TRMT2B: variants seen among roughly 807,000 people sequenced by gnomAD.
TRMT2B encodes the protein tRNA methyltransferase 2B.
A neutral mutation model predicts 39.7 loss-of-function variants in TRMT2B; 34 were observed. The observed-to-expected ratio is 0.86, with a 90% CI of 0.65 to 1.14. TRMT2B has a LOEUF of 1.14. Ranked by LOEUF, TRMT2B falls within the 50% of genes most tolerant of loss-of-function variation. TRMT2B has a pLI of 0.00. For missense variants in TRMT2B, 318 were observed against 377.2 expected (o/e 0.84, Z 1.30); for synonymous variants, 132 against 137.3 (o/e 0.96, Z 0.27).
the TRMT2B span, chrX:100,990,465 T>A: frequency 1.0e-6 from 1 of 987,899 alleles, no homozygotes. Flanking sequence ...TTTTTAAATT[T>A]CCATTTGATA....
chrX:101,023,597 C>A lies in TRMT2B; in HGVS notation c.629G>T (p.Arg210Leu), dbSNP rs1349898722. The A allele has an allele frequency of 3.3e-6, 4 of 1,206,566 alleles. No homozygotes were observed. Among genetic ancestry groups the A allele is most frequent in the Non-Finnish European group, 4.5e-6 (4 of 892,124 alleles). The change falls in exon 8 of 14, where the codon CGA (arginine) becomes CTA (leucine). Residue 210 changes from arginine to leucine, a missense_variant. Arg to Leu is a moderately radical substitution (Grantham distance 102). Coordinates refer to ENST00000372936, the MANE Select transcript of TRMT2B (RefSeq NM_024917.6). The part of the protein sequence containing the change: ...QVAQYYEVFL[R>L]QSPLEPCLVF... ...AAGGCAGGGCTCCAATGGAGACTGT[C>A]GAAGGAATACTTCATAGTACTAGGA...
intron 2 of TRMT2B, among the ~76,000 whole-genome samples, chrX:101,050,927 A>G (rs906475240): frequency 4.6e-5 from 5 of 108,205 alleles, no homozygotes; most frequent in Non-Finnish European, 7.6e-5. Context: ...CTGTAATCCT[A>G]GCTACTCCAG....
chrX:100,991,714 C>A, the TRMT2B span, among the ~76,000 whole-genome samples: 3 of 111,962 alleles, frequency 2.7e-5, no homozygotes, highest in African/African-American at 6.5e-5. Flanking sequence ...TTATTCACAA[C>A]AACCCTTGGG....
At chrX:101,037,385 T>C (rs1430811254) in intron 5 of TRMT2B, 13 of 247,482 alleles carry the variant, frequency 5.3e-5, no homozygotes, top group Non-Finnish European at 9.2e-5. Flanking sequence ...AAAGCAGCCA[T>C]AGACAATACA....
chrX:101,042,416 G>A (rs915327374), intron 2 of TRMT2B, 104 bp from the exon 3 acceptor site: 1 of 878,667 alleles, frequency 1.1e-6, no homozygotes, highest in African/African-American at 2.0e-5. Context: ...CTAGCAGAAT[G>A]CTGGCACACA....
intron 13 of TRMT2B, among the ~76,000 whole-genome samples, chrX:101,012,071 CAAGTA>C (rs1030005955): frequency 2.7e-5 from 3 of 111,431 alleles, no homozygotes; most frequent in South Asian, 3.8e-4. Context: ...TAAAATAATA[CAAGTA>C]TAGTATAGAA....
intron 11 of TRMT2B, 46 bp downstream of exon 11, chrX:101,020,440 GA>G (rs746112377): frequency 2.8e-6 from 3 of 1,066,047 alleles, no homozygotes; most frequent in East Asian, 3.0e-5. Flanking sequence ...CCATAGCACA[GA>G]AACAACTGCA....
At chrX:100,986,844 T>G in the TRMT2B span, 1 of 1,207,564 alleles carries the variant, frequency 8.3e-7, no homozygotes, top group Non-Finnish European at 1.1e-6. Context: ...CTTGTGATAT[T>G]ATTGACTATC....
intron 13 of TRMT2B, among the ~76,000 whole-genome samples, 191 bp downstream of exon 13, chrX:101,018,780 C>G (rs182872137): frequency 1.8e-5 from 2 of 112,069 alleles, no homozygotes; most frequent in African/African-American, 6.5e-5. Context: ...TGCACCCAAA[C>G]TAAGTACCTG....
chrX:100,995,870 C>T, the TRMT2B span, among the ~76,000 whole-genome samples: 1 of 112,098 alleles, frequency 8.9e-6, no homozygotes, highest in African/African-American at 3.2e-5. Flanking sequence ...GTAAAGCATA[C>T]ATATAAGAGC....
intron 2 of TRMT2B, among the ~76,000 whole-genome samples, chrX:101,044,249 G>GAAAAAAAAAA (rs35472826): frequency 2.3e-5 from 1 of 43,537 alleles, no homozygotes. Flanking sequence ...CTCAAAAAGA[G>GAAAAAAAAAA]AAAAAAAAAA....
chrX:100,983,778 G>A, the TRMT2B span, among the ~76,000 whole-genome samples: 1 of 111,624 alleles, frequency 9.0e-6, no homozygotes, highest in Non-Finnish European at 1.9e-5. Flanking sequence ...GAAATCAGAA[G>A]AGATGTTATG....
chrX:101,048,107 TACACATACACACACAC>T (rs1353465114), intron 2 of TRMT2B, among the ~76,000 whole-genome samples: 544 of 53,211 alleles, frequency 0.01, 4 homozygotes, highest in African/African-American at 0.043. Flanking sequence ...TTTACATTTA[TACACATACACACACAC>T]ACACACACAC....
the TRMT2B span, among the ~76,000 whole-genome samples, chrX:100,986,364 G>T: frequency 6.3e-5 from 7 of 111,602 alleles, no homozygotes; most frequent in African/African-American, 2.0e-4. Flanking sequence ...TTATTCCAGG[G>T]TGATAATGCA....
At chrX:100,988,851 CATATATATATATAT>C in the TRMT2B span, among the ~76,000 whole-genome samples, 3 of 79,676 alleles carry the variant, frequency 3.8e-5, no homozygotes, top group African/African-American at 4.9e-5. Flanking sequence ...TAATATATCT[CATATATATATATAT>C]ATATATATAT....
At position 101,020,525 on chromosome X, in the gene TRMT2B, T is replaced by C; in HGVS notation, c.1130A>G (p.Gln377Arg). Reference sequence around the variant, plus strand: ...AGTCCATCTTGCATCCTCCACTGCCTGCTCCAACAATTCAATCCCAAGGAC... The same window carrying C: ...AGTCCATCTTGCATCCTCCACTGCCCGCTCCAACAATTCAATCCCAAGGAC... Reference protein sequence around the residue: ...SRVLGIELLEQAVEDARWTAA... With the variant: ...SRVLGIELLERAVEDARWTAA... Residue 377 changes from glutamine to arginine, a missense_variant, in exon 11 of 14, where the codon CAG becomes CGG. Transcript: ENST00000372936. 8.3e-7 allele frequency: 1 copy of C among 1,211,280 alleles called. No homozygotes were observed. The highest frequency in any genetic ancestry group is 1.7e-5 in the African/African-American group (1 of 57,909).
chrX:100,976,564 A>G, the TRMT2B span, among the ~76,000 whole-genome samples: 3 of 111,830 alleles, frequency 2.7e-5, no homozygotes, highest in African/African-American at 9.7e-5. Flanking sequence ...CCCAAAATTG[A>G]ATAATTCACC....
intron 2 of TRMT2B, among the ~76,000 whole-genome samples, chrX:101,050,710 G>A (rs2089017404): frequency 9.6e-6 from 1 of 104,512 alleles, no homozygotes; most frequent in Non-Finnish European, 1.9e-5. Context: ...GGCAACAAGA[G>A]TGAAACTCTG....
the TRMT2B span, among the ~76,000 whole-genome samples, chrX:100,986,354 T>A: frequency 1.8e-5 from 2 of 111,769 alleles, no homozygotes; most frequent in African/African-American, 6.5e-5. Flanking sequence ...TAACTAGCAC[T>A]TATTCCAGGG....
Sources: allele counts gnomAD v4.1 joint callset (sites outside exome capture counted in the v4.1 genomes callset), GRCh38; gene constraint gnomAD v4.1.1; transcripts MANE v1.5; gene names NCBI Gene and HGNC (gene_info 2026-07-23, HGNC 2026-07-21).